Variants in CTNND2 observed in about 807,000 individuals in gnomAD.
The protein encoded by CTNND2 is catenin delta 2, also known as catenin delta-2.
Under a neutral mutation model 144.4 loss-of-function variants are expected in CTNND2, and 22 were observed. That is an observed-to-expected ratio of 0.15 (90% CI 0.11 to 0.22). The LOEUF (loss-of-function observed/expected upper bound fraction) is 0.22, where lower values mean the gene tolerates loss of function less well. Among genes scored for constraint, CTNND2 ranks in the 10% least tolerant of loss-of-function variants. The pLI is 1.00. For missense variants in CTNND2, 1,353 were observed against 1,618.8 expected (o/e 0.84, Z 2.82); for synonymous variants, 751 against 695.6 (o/e 1.08, Z -1.25).
intron 3 of CTNND2, among the ~76,000 whole-genome samples, chr5:11,503,287 G>C (rs1380083109): frequency 2.0e-5 from 3 of 152,172 alleles, no homozygotes; most frequent in Non-Finnish European, 4.4e-5. Context: ...CGCTTAGTGA[G>C]GGCTGAAAGT....
chr5:11,243,112 A>C (rs1182194625), intron 9 of CTNND2, among the ~76,000 whole-genome samples: 3 of 152,236 alleles, frequency 2.0e-5, no homozygotes, highest in African/African-American at 7.2e-5. Flanking sequence ...CATTATACTT[A>C]TTTGAAGAAC....
At chr5:11,823,185 A>T (rs1793411678) in intron 1 of CTNND2, among the ~76,000 whole-genome samples, 1 of 152,208 alleles carries the variant, frequency 6.6e-6, no homozygotes. Flanking sequence ...TCAATAAATG[A>T]GGATTAAAGA....
intron 16 of CTNND2, among the ~76,000 whole-genome samples, chr5:11,054,633 C>T (rs1300851778): frequency 6.6e-6 from 1 of 152,060 alleles, no homozygotes; most frequent in Non-Finnish European, 1.5e-5. Flanking sequence ...TTGAAGACCG[C>T]ACTTGCCCTT....
intron 9 of CTNND2, among the ~76,000 whole-genome samples, chr5:11,250,531 T>C (rs1259502277): frequency 2.2e-5 from 3 of 138,052 alleles, no homozygotes; most frequent in African/African-American, 5.6e-5. Flanking sequence ...TTTTTTTTTT[T>C]TTTAGAGACA....
intron 1 of CTNND2, among the ~76,000 whole-genome samples, chr5:11,794,022 T>C (rs1791273260): frequency 6.6e-6 from 1 of 152,238 alleles, no homozygotes; most frequent in Middle Eastern, 3.2e-3. Flanking sequence ...TTTGTTGTTT[T>C]CTCCACCCTT....
chr5:11,838,018 A>T (rs555114287), intron 1 of CTNND2, among the ~76,000 whole-genome samples: 1 of 152,158 alleles, frequency 6.6e-6, no homozygotes, highest in Non-Finnish European at 1.5e-5. Context: ...AGGCCCATAG[A>T]ATTGGATTCT....
chr5:11,862,446 A>G (rs903646921), intron 1 of CTNND2, among the ~76,000 whole-genome samples: 1 of 152,210 alleles, frequency 6.6e-6, no homozygotes, highest in Non-Finnish European at 1.5e-5. Context: ...TGAAGGCACC[A>G]TGGTTTTGAA....
At chr5:11,865,633 T>C (rs1029646965) in intron 1 of CTNND2, among the ~76,000 whole-genome samples, 1 of 151,906 alleles carries the variant, frequency 6.6e-6, no homozygotes, top group Non-Finnish European at 1.5e-5. Context: ...CTAGAACCAG[T>C]GAATATGTTA....
At chr5:11,407,729 T>G (rs1427972603) in intron 5 of CTNND2, among the ~76,000 whole-genome samples, 3 of 150,076 alleles carry the variant, frequency 2.0e-5, no homozygotes, top group African/African-American at 7.3e-5. Flanking sequence ...CATTAGCTGG[T>G]TCATAGCTAA....
At chr5:11,133,808 T>G (rs746685569) in intron 12 of CTNND2, among the ~76,000 whole-genome samples, 2 of 152,230 alleles carry the variant, frequency 1.3e-5, no homozygotes, top group Non-Finnish European at 2.9e-5. Flanking sequence ...ACAGGGCAGC[T>G]CGAAGATTCT....
intron 18 of CTNND2, among the ~76,000 whole-genome samples, chr5:10,997,116 G>A (rs1337363374): frequency 6.6e-6 from 1 of 152,056 alleles, no homozygotes; most frequent in Non-Finnish European, 1.5e-5. Context: ...GGGAAGGGTG[G>A]GGGTGGTAGG....
intron 3 of CTNND2, among the ~76,000 whole-genome samples, chr5:11,449,947 T>C (rs1339600197): frequency 1.3e-5 from 2 of 152,244 alleles, no homozygotes; most frequent in South Asian, 2.1e-4. Flanking sequence ...ATCTGTACAG[T>C]TGCTAGACAC....
chr5:11,720,821 T>A (rs186853270), intron 2 of CTNND2, among the ~76,000 whole-genome samples: 340 of 152,330 alleles, frequency 2.2e-3, no homozygotes, highest in African/African-American at 7.3e-3. Context: ...CTATTCTGCC[T>A]ATAGTCAAAA....
chr5:11,074,545 A>C (rs1389003684), intron 16 of CTNND2, among the ~76,000 whole-genome samples: 1 of 152,188 alleles, frequency 6.6e-6, no homozygotes, highest in African/African-American at 2.4e-5. Context: ...TTTGGTTAAA[A>C]AGGTATCTCA....
intron 10 of CTNND2, among the ~76,000 whole-genome samples, chr5:11,211,517 A>G (rs1297988344): frequency 1.3e-5 from 2 of 152,218 alleles, no homozygotes; most frequent in African/African-American, 2.4e-5. Flanking sequence ...GGTGGTAAAT[A>G]TCAAGTCTGA....
intron 6 of CTNND2, among the ~76,000 whole-genome samples, chr5:11,391,049 G>C (rs149989840): frequency 6.6e-6 from 1 of 152,236 alleles, no homozygotes; most frequent in East Asian, 1.9e-4. Context: ...GAAGACATTG[G>C]AGCTCATGTG....
chr5:11,390,000 G>T (rs1301077403), intron 6 of CTNND2, among the ~76,000 whole-genome samples: 3 of 152,074 alleles, frequency 2.0e-5, no homozygotes, highest in Non-Finnish European at 4.4e-5. Context: ...TTATGGATAC[G>T]CAAGTATTCT....
chr5:11,260,656 G>C (rs1477387131), intron 9 of CTNND2, among the ~76,000 whole-genome samples: 3 of 152,046 alleles, frequency 2.0e-5, no homozygotes, highest in African/African-American at 2.4e-5. Flanking sequence ...ACCTGCTCCT[G>C]ACATAATGAC....
intron 11 of CTNND2, among the ~76,000 whole-genome samples, chr5:11,178,985 C>T (rs1760744020): frequency 6.6e-6 from 1 of 152,178 alleles, no homozygotes; most frequent in African/African-American, 2.4e-5. Flanking sequence ...TATTTTACAA[C>T]TATTTCTTAA....
Sources: allele counts gnomAD v4.1 joint callset (sites outside exome capture counted in the v4.1 genomes callset), GRCh38; gene constraint gnomAD v4.1.1; transcripts MANE v1.5; gene names NCBI Gene and HGNC (gene_info 2026-07-23, HGNC 2026-07-21).